Variants in LARP1 observed in about 807,000 individuals in gnomAD.
LARP1 encodes the protein la-related protein 1.
A neutral mutation model predicts 122.7 loss-of-function variants in LARP1; 36 were observed. That is an observed-to-expected ratio of 0.29 (90% CI 0.22 to 0.39). The LOEUF is 0.39. LARP1 is among the 10% of genes least tolerant of loss of function. LARP1 has a pLI of 1.00. For missense variants in LARP1, 1,040 were observed against 1,403.6 expected, an observed-to-expected ratio of 0.74 and a Z score of 4.14; for synonymous variants, 539 against 528.7, an observed-to-expected ratio of 1.02 and a Z score of -0.27.
At chr5:154,776,069 G>A (rs1755858687) in intron 1 of LARP1, among the ~76,000 whole-genome samples, 1 of 152,154 alleles carries the variant, frequency 6.6e-6, no homozygotes, top group Non-Finnish European at 1.5e-5. Context: ...CAGCACTTTG[G>A]GAGGTTAAGG....
chr5:154,751,330 T>A (rs1753477268), upstream of LARP1, among the ~76,000 whole-genome samples: 1 of 152,212 alleles, frequency 6.6e-6, no homozygotes. Flanking sequence ...CCTTTGTAAT[T>A]TGAAGACAAT....
chr5:154,735,788 C>T (rs1171163806), intron 1 of LARP1, among the ~76,000 whole-genome samples: 3 of 151,256 alleles, frequency 2.0e-5, no homozygotes, highest in Non-Finnish European at 4.4e-5. Context: ...CCAGGCTGGT[C>T]TCAAACTCCT....
chr5:154,768,362 C>A (rs542327120), intron 1 of LARP1, among the ~76,000 whole-genome samples: 2 of 152,112 alleles, frequency 1.3e-5, no homozygotes, highest in Non-Finnish European at 2.9e-5. Context: ...AGACACATTG[C>A]GGCCATGGTG....
chr5:154,747,171 T>TG (rs1302566952), intron 1 of LARP1, among the ~76,000 whole-genome samples: 1 of 151,554 alleles, frequency 6.6e-6, no homozygotes, highest in Non-Finnish European at 1.5e-5. Flanking sequence ...CCGGGTGAGG[T>TG]GGCGGGCACC....
chr5:154,725,997 C>A (rs959845958), intron 1 of LARP1, among the ~76,000 whole-genome samples: 6 of 143,518 alleles, frequency 4.2e-5, no homozygotes, highest in African/African-American at 1.6e-4. Context: ...CCCGCCACCA[C>A]ACCAGCTAAT....
At chr5:154,790,763 T>C (rs1373724947) in intron 3 of LARP1, 53 bp downstream of exon 3, 11 of 1,466,260 alleles carry the variant, frequency 7.5e-6, no homozygotes, top group Non-Finnish European at 9.6e-6. Context: ...CATACACACA[T>C]TTAGCTCCTC....
intron 1 of LARP1, chr5:154,729,416 A>G (rs1012673386): frequency 1.1e-4 from 41 of 357,188 alleles, no homozygotes; most frequent in Non-Finnish European, 2.1e-4. Flanking sequence ...TGAAGAGTCT[A>G]CAGTGTTACC....
At chr5:154,719,195 A>G (rs1049668963) in intron 1 of LARP1, among the ~76,000 whole-genome samples, 1 of 152,144 alleles carries the variant, frequency 6.6e-6, no homozygotes, top group African/African-American at 2.4e-5. Context: ...TCCACTTCTC[A>G]GAGTCCCTTT....
intron 1 of LARP1, 119 bp downstream of exon 1, chr5:154,756,312 T>G: frequency 1.1e-6 from 1 of 948,220 alleles, no homozygotes; most frequent in South Asian, 2.8e-5. Flanking sequence ...CTCGGGACTT[T>G]TTAAAATTGC....
At chr5:154,728,792 G>A in intron 1 of LARP1, among the ~76,000 whole-genome samples, 1 of 152,168 alleles carries the variant, frequency 6.6e-6, no homozygotes, top group East Asian at 1.9e-4. Flanking sequence ...CTATCTTTAG[G>A]GTTGACATAG....
At chr5:154,794,347 T>A in intron 7 of LARP1, 85 bp downstream of exon 7, 1 of 1,384,636 alleles carries the variant, frequency 7.2e-7, no homozygotes, top group South Asian at 1.3e-5. Context: ...CAGGCCCTTC[T>A]GGTGCTTAGC....
chr5:154,732,710 G>C (rs1387745839), intron 1 of LARP1, among the ~76,000 whole-genome samples: 2 of 150,950 alleles, frequency 1.3e-5, no homozygotes, highest in African/African-American at 5.0e-5. Context: ...AATTCCAAAG[G>C]GGAAGGAATT....
At chr5:154,793,477 A>C in intron 4 of LARP1, 118 bp from the exon 5 acceptor site, 1 of 1,303,872 alleles carries the variant, frequency 7.7e-7, no homozygotes, top group South Asian at 1.3e-5. Context: ...GGATCTGCCC[A>C]AGGTAACCAG....
chr5:154,795,949 A>T (rs1303901239), intron 8 of LARP1, among the ~76,000 whole-genome samples: 2 of 115,750 alleles, frequency 1.7e-5, no homozygotes, highest in African/African-American at 7.0e-5. Flanking sequence ...ATATTTATAT[A>T]TTATATATAT....
At chr5:154,737,528 G>A (rs1318884332) in intron 1 of LARP1, among the ~76,000 whole-genome samples, 2 of 131,356 alleles carry the variant, frequency 1.5e-5, no homozygotes, top group African/African-American at 2.9e-5. Flanking sequence ...TGCAACCTCC[G>A]CCTCCCGGGT....
At chr5:154,768,576 T>TTTTA (rs201388323) in intron 1 of LARP1, among the ~76,000 whole-genome samples, 36 of 152,118 alleles carry the variant, frequency 2.4e-4, no homozygotes, top group East Asian at 9.7e-4. Flanking sequence ...ATTTATTTAT[T>TTTTA]TTTATTTATT....
At chr5:154,689,353 G>T (rs969718152) in intron 1 of LARP1, among the ~76,000 whole-genome samples, 10 of 152,192 alleles carry the variant, frequency 6.6e-5, no homozygotes, top group African/African-American at 2.4e-4. Flanking sequence ...TTGGGAGGCT[G>T]AGGCAGGAGA....
intron 1 of LARP1, among the ~76,000 whole-genome samples, chr5:154,742,363 ACCAGC>A (rs1213489307): frequency 6.6e-6 from 1 of 152,204 alleles, no homozygotes; most frequent in Non-Finnish European, 1.5e-5. Flanking sequence ...GGGGTTCGAG[ACCAGC>A]CTGGCCAACA....
chr5:154,782,592 A>G (rs1282105226), intron 1 of LARP1, among the ~76,000 whole-genome samples: 2 of 152,154 alleles, frequency 1.3e-5, no homozygotes, highest in Admixed American at 1.3e-4. Context: ...TCCCGGGCCA[A>G]GGGGATGCAG....
Sources: allele counts gnomAD v4.1 joint callset (sites outside exome capture counted in the v4.1 genomes callset), GRCh38; gene constraint gnomAD v4.1.1; transcripts MANE v1.5; gene names NCBI Gene and HGNC (gene_info 2026-07-23, HGNC 2026-07-21).